The following DNAH11 variants were observed in gnomAD, a reference collection of about 807,000 sequenced individuals.
The protein encoded by DNAH11 is dynein axonemal heavy chain 11, also known as axonemal beta dynein heavy chain 11.
A neutral mutation model predicts 526.0 loss-of-function variants in DNAH11; 442 were observed. The ratio of observed to expected loss-of-function variants is 0.84; its 90% CI spans 0.78 to 0.91. The LOEUF (loss-of-function observed/expected upper bound fraction) is 0.91. Among genes scored for constraint, DNAH11 ranks in the 40% least tolerant of loss-of-function variants. DNAH11 has a pLI of 0.00. For missense variants in DNAH11, 6,989 were observed against 5,448.7 expected (o/e 1.28, Z -8.90); for synonymous variants, 2,461 against 1,935.9 (o/e 1.27, Z -7.12).
Position 21,894,865 on chromosome 7 carries a change from CTTT to C in DNAH11, c.12934-14_12934-12del. 3.1e-6 allele frequency: 5 copies of C among 1,613,260 alleles called. No homozygotes were observed. The highest frequency in any genetic ancestry group is 4.2e-6 in the Non-Finnish European group (5 of 1,179,446). ...ACATTGGAAGATATTCACTGTGTGG[CTTT>C]TTTTCTCCATGCAAGGGGGAATTGG... On this transcript the variant is annotated splice_polypyrimidine_tract_variant and intron_variant, in intron 78 of 81. Transcript: ENST00000409508.
At chr7:21,889,056 T>G (rs1261787799) in intron 76 of DNAH11, among the ~76,000 whole-genome samples, 1 of 151,922 alleles carries the variant, frequency 6.6e-6, no homozygotes, top group Non-Finnish European at 1.5e-5. Context: ...ACCATTTGTT[T>G]CCCACCCCAT....
intron 36 of DNAH11, among the ~76,000 whole-genome samples, chr7:21,698,672 A>G (rs1783947028): frequency 6.6e-6 from 1 of 152,222 alleles, no homozygotes; most frequent in African/African-American, 2.4e-5. Flanking sequence ...ACTGAGTAAT[A>G]TTCCATGGTG....
intron 58 of DNAH11, among the ~76,000 whole-genome samples, chr7:21,786,325 T>C (rs1788188782): frequency 6.6e-6 from 1 of 151,860 alleles, no homozygotes; most frequent in African/African-American, 2.4e-5. Context: ...TGTGTGTGTG[T>C]GTGTATCCTG....
At chr7:21,893,650 G>A (rs1444298171) in intron 77 of DNAH11, among the ~76,000 whole-genome samples, 4 of 152,334 alleles carry the variant, frequency 2.6e-5, no homozygotes, top group Admixed American at 2.0e-4. Flanking sequence ...CCAGCTCGGT[G>A]GAGCTGTCTA....
At chr7:21,857,170 A>G (rs1007981373) in intron 68 of DNAH11, among the ~76,000 whole-genome samples, 3 of 152,218 alleles carry the variant, frequency 2.0e-5, no homozygotes, top group Non-Finnish European at 4.4e-5. Flanking sequence ...ATTTCTATAC[A>G]TGAGAAACAA....
intron 8 of DNAH11, among the ~76,000 whole-genome samples, chr7:21,572,814 A>C (rs907560945): frequency 6.6e-6 from 1 of 152,222 alleles, no homozygotes; most frequent in Non-Finnish European, 1.5e-5. Context: ...CTGCTGTAAT[A>C]GGTGACTTTT....
intron 30 of DNAH11, among the ~76,000 whole-genome samples, chr7:21,671,519 G>T (rs1324746545): frequency 6.6e-6 from 1 of 151,986 alleles, no homozygotes; most frequent in Admixed American, 6.6e-5. Context: ...TTCATTTCTG[G>T]GGTTCGTAAT....
At position 21,741,940 on chromosome 7, in the gene DNAH11, T is replaced by G; in HGVS notation, c.7928T>G (p.Val2643Gly). The G allele has an allele frequency of 6.2e-7, 1 of 1,613,848 alleles. No homozygotes were observed. The highest frequency in any genetic ancestry group is 1.1e-5 in the South Asian group (1 of 91,070). The change falls in exon 49 of 82, where the codon GTG becomes GGG. Residue 2643 changes from valine to glycine, a missense_variant. By Grantham distance (109) the Val-to-Gly change is moderately radical (BLOSUM62 -3). Coordinates refer to ENST00000409508, the MANE Select transcript of DNAH11 (RefSeq NM_001277115.2). ...TTTTCTTTTCAGAGACATTTCACAG[T>G]GTTTGCATTCAATTTTCCATCTTTG... is the stretch of plus-strand genomic sequence containing the variant. ...INPRLQRHFT[V>G]FAFNFPSLDA...
chr7:21,879,939 G>T (rs1175966134), intron 74 of DNAH11, among the ~76,000 whole-genome samples: 1 of 152,008 alleles, frequency 6.6e-6, no homozygotes, highest in East Asian at 1.9e-4. Flanking sequence ...ACAAAAATTA[G>T]CTGGGTGTGG....
chr7:21,681,787 T>A, intron 31 of DNAH11, 110 bp downstream of exon 31: 1 of 1,344,954 alleles, frequency 7.4e-7, no homozygotes, highest in Non-Finnish European at 1.1e-6. Flanking sequence ...TTGTATGTTT[T>A]AATTAGTCCT....
chr7:21,543,187 G>C lies in DNAH11; in HGVS notation c.-59G>C. The C allele has an allele frequency of 6.9e-7, 1 of 1,453,582 alleles. No homozygotes were observed. Among genetic ancestry groups the C allele is most frequent in the South Asian group, 1.4e-5 (1 of 69,940 alleles). 90.0% of individuals were successfully genotyped at this position (1,453,582 alleles called of 1,614,324 possible). A position where few individuals can be genotyped will look rare whatever the true frequency, so the allele number is the denominator to read the frequency against. ...CGGAGGTGTCCTCGCTCACTTCGGG[G>C]GGCCCAGAGTCTCGGGTGAGGAGCC... On this transcript the variant is annotated 5_prime_UTR_variant, in exon 1 of 82. Coordinates refer to ENST00000409508, the MANE Select transcript of DNAH11 (RefSeq NM_001277115.2).
At chr7:21,741,461 C>T (rs1475039379) in intron 48 of DNAH11, among the ~76,000 whole-genome samples, 1 of 152,190 alleles carries the variant, frequency 6.6e-6, no homozygotes, top group Non-Finnish European at 1.5e-5. Context: ...ATGACAACAG[C>T]AACAGCTACC....
At chr7:21,687,284 A>C (rs758915626) in intron 33 of DNAH11, 29 bp downstream of exon 33, 2 of 1,556,454 alleles carry the variant, frequency 1.3e-6, no homozygotes, top group South Asian at 1.2e-5. Context: ...AATGTGTAAA[A>C]CTTTATTCTC....
At chr7:21,607,180 A>G (rs1310884150) in intron 20 of DNAH11, among the ~76,000 whole-genome samples, 2 of 151,928 alleles carry the variant, frequency 1.3e-5, no homozygotes, top group Non-Finnish European at 2.9e-5. Context: ...CCAAGAGACC[A>G]AAAGCTGAAG....
chr7:21,754,746 C>T (rs1786556313), intron 54 of DNAH11, among the ~76,000 whole-genome samples: 1 of 152,146 alleles, frequency 6.6e-6, no homozygotes, highest in South Asian at 2.1e-4. Flanking sequence ...CCTTGTCACT[C>T]AGTTTGATCC....
chr7:21,718,655 G>A (rs368572347), intron 43 of DNAH11, among the ~76,000 whole-genome samples: 1 of 152,128 alleles, frequency 6.6e-6, no homozygotes, highest in Admixed American at 6.5e-5. Flanking sequence ...CTTCATCTCA[G>A]CATGAAGAAA....
intron 32 of DNAH11, among the ~76,000 whole-genome samples, chr7:21,684,166 C>T (rs536786281): frequency 3.9e-4 from 59 of 152,242 alleles, no homozygotes; most frequent in Non-Finnish European, 1.3e-4. Flanking sequence ...GTTGATTCTG[C>T]CTAGTTATCT....
chr7:21,707,211 G>A (rs992164908), intron 39 of DNAH11, among the ~76,000 whole-genome samples: 9 of 152,154 alleles, frequency 5.9e-5, no homozygotes, highest in Admixed American at 1.3e-4. Context: ...GCATTAGCTG[G>A]GCCCTTGTTG....
At chr7:21,701,947 C>A (rs144265076) in intron 36 of DNAH11, among the ~76,000 whole-genome samples, 1 of 152,162 alleles carries the variant, frequency 6.6e-6, no homozygotes, top group East Asian at 1.9e-4. Flanking sequence ...GGGCCAGTCC[C>A]GTGTAAGCAG....
Sources: gnomAD v4.1 joint callset for allele counts (sites outside exome capture counted in the v4.1 genomes callset) on GRCh38, gnomAD v4.1.1 for gene constraint, MANE v1.5 for transcripts, NCBI Gene and HGNC (gene_info 2026-07-23, HGNC 2026-07-21) for gene names.